GRIK2: variants seen among roughly 807,000 people sequenced by gnomAD.
GRIK2 encodes glutamate ionotropic receptor kainate type subunit 2, also known as glutamate receptor ionotropic, kainate 2.
In GRIK2, 32 loss-of-function variants were observed where a neutral mutation model predicts 100.3. The observed-to-expected ratio is 0.32, with a 90% confidence interval of 0.24 to 0.43. The LOEUF (loss-of-function observed/expected upper bound fraction) is 0.43. Among genes scored for constraint, GRIK2 ranks in the 20% least tolerant of loss-of-function variants. GRIK2 has a pLI of 1.00. For synonymous variants in GRIK2, 417 were observed against 389.4 expected (o/e 1.07, Z -0.83); for missense variants, 843 against 1,114.9 (o/e 0.76, Z 3.47).
At chr6:101,668,091 T>C (rs1242229922) in intron 4 of GRIK2, among the ~76,000 whole-genome samples, 2 of 152,204 alleles carry the variant, frequency 1.3e-5, no homozygotes, top group African/African-American at 4.8e-5. Context: ...TCTGTAAAAT[T>C]AGCATTCAGA....
rs113496208 is a variant in GRIK2, at chr6:102,007,235, A to G, written c.2086-28106A>G. The stretch of plus-strand genomic sequence containing the variant: ...TTGTAACTGTTTTGTGCAGAGTGAG[A>G]AGATAAGAAAATACATTTTGAGAAG... On this transcript the variant is annotated intron_variant, in intron 14 of 16. Coordinates refer to ENST00000369134, the MANE Select transcript of GRIK2 (RefSeq NM_021956.5). 2.1e-3 allele frequency among the ~76,000 whole-genome samples: 319 copies of G among 152,238 alleles called. 2 individuals are homozygous for G. The highest frequency in any genetic ancestry group is 7.5e-3 in the African/African-American group (312 of 41,538).
At chr6:101,986,499 C>A (rs2128490859) in intron 14 of GRIK2, among the ~76,000 whole-genome samples, 1 of 151,874 alleles carries the variant, frequency 6.6e-6, no homozygotes, top group South Asian at 2.1e-4. Flanking sequence ...TTTTTAATTG[C>A]ATTAGCTTTG....
At chr6:101,709,070 T>C (rs1773529795) in intron 7 of GRIK2, among the ~76,000 whole-genome samples, 1 of 151,812 alleles carries the variant, frequency 6.6e-6, no homozygotes, top group Non-Finnish European at 1.5e-5. Context: ...TAAAAATAAT[T>C]TTTAAAACAG....
At chr6:101,643,656 A>G (rs1184453775) in intron 4 of GRIK2, among the ~76,000 whole-genome samples, 1 of 151,322 alleles carries the variant, frequency 6.6e-6, no homozygotes, top group Non-Finnish European at 1.5e-5. Context: ...GAAATCAGGA[A>G]CTATGAGATC....
chr6:101,777,198 G>T (rs1248673483), intron 7 of GRIK2, among the ~76,000 whole-genome samples: 1 of 152,140 alleles, frequency 6.6e-6, no homozygotes, highest in African/African-American at 2.4e-5. Context: ...ATTGGCTCCC[G>T]ACTGGGTCTG....
At chr6:101,620,884 TAGAG>T (rs1562265553) in intron 2 of GRIK2, among the ~76,000 whole-genome samples, 1 of 151,896 alleles carries the variant, frequency 6.6e-6, no homozygotes. Context: ...GCAATGATAT[TAGAG>T]AGAAGGAAGG....
intron 2 of GRIK2, among the ~76,000 whole-genome samples, chr6:101,616,742 T>G (rs1779910953): frequency 6.6e-6 from 1 of 151,728 alleles, no homozygotes; most frequent in Admixed American, 6.6e-5. Flanking sequence ...AAAGTTTGTG[T>G]CGATTTATTT....
chr6:101,608,726 C>G (rs533477118), intron 2 of GRIK2, among the ~76,000 whole-genome samples: 26 of 151,640 alleles, frequency 1.7e-4, no homozygotes, highest in African/African-American at 6.0e-4. Flanking sequence ...ATATGCAGTT[C>G]ACTTCTCAGG....
chr6:101,507,999 T>C (rs1397342207), intron 2 of GRIK2, among the ~76,000 whole-genome samples: 2 of 152,136 alleles, frequency 1.3e-5, no homozygotes, highest in Non-Finnish European at 2.9e-5. Context: ...TCATTGTATA[T>C]GCTTTAAAAG....
chr6:101,608,394 T>G, intron 2 of GRIK2, among the ~76,000 whole-genome samples: 1 of 152,038 alleles, frequency 6.6e-6, no homozygotes, highest in South Asian at 2.1e-4. Flanking sequence ...TCAATTGTAT[T>G]TCATAATTAA....
chr6:101,829,940 T>C (rs1016580151), intron 10 of GRIK2, among the ~76,000 whole-genome samples: 11 of 151,876 alleles, frequency 7.2e-5, no homozygotes, highest in Non-Finnish European at 1.2e-4. Context: ...AAAATTCATA[T>C]TGAAACAAAA....
rs184258363 is a variant in GRIK2 at position 101,703,123 on chromosome 6, A to G, written c.951+16770A>G. Among the ~76,000 whole-genome samples the G allele has an allele frequency of 5.3e-3, 813 of 152,044 alleles. 13 individuals carry two copies. Among genetic ancestry groups the G allele is most frequent in the African/African-American group, 0.018 (765 of 41,562 alleles). ...ATTATTTTGGGAAGGAATAATTTTG[A>G]GATGGGTAATGTTTTACGAGTTTGA... On this transcript the variant is annotated intron_variant, in intron 7 of 16. Transcript: ENST00000369134.
intron 12 of GRIK2, among the ~76,000 whole-genome samples, chr6:101,900,321 G>A (rs1241877237): frequency 1.3e-5 from 2 of 151,866 alleles, no homozygotes; most frequent in African/African-American, 2.4e-5. Flanking sequence ...AAAATTAGCC[G>A]GGCGTGGTGG....
intron 2 of GRIK2, among the ~76,000 whole-genome samples, chr6:101,485,502 A>G (rs142045266): frequency 6.8e-4 from 103 of 152,242 alleles, no homozygotes; most frequent in African/African-American, 2.3e-3. Context: ...ATTTGTGACA[A>G]TTTTGGGGAA....
intron 2 of GRIK2, among the ~76,000 whole-genome samples, chr6:101,598,592 T>TAAA (rs75603851): frequency 3.3e-3 from 269 of 82,266 alleles, no homozygotes; most frequent in South Asian, 5.3e-3. Flanking sequence ...TCTTCCTTAA[T>TAAA]AAAAAAAAAA....
At chr6:101,465,101 T>A (rs1771572805) in intron 2 of GRIK2, among the ~76,000 whole-genome samples, 1 of 152,216 alleles carries the variant, frequency 6.6e-6, no homozygotes, top group Admixed American at 6.5e-5. Flanking sequence ...TTTTTTTGCC[T>A]GCTGACTCTT....
intron 14 of GRIK2, among the ~76,000 whole-genome samples, chr6:102,016,052 GAAAAAAA>G (rs1795818208): frequency 6.6e-6 from 1 of 152,026 alleles, no homozygotes; most frequent in African/African-American, 2.4e-5. Context: ...ACAAAGATGA[GAAAAAAA>G]CAGCACAAGA....
chr6:101,616,638 C>T (rs1213831980), intron 2 of GRIK2, among the ~76,000 whole-genome samples: 1 of 151,726 alleles, frequency 6.6e-6, no homozygotes, highest in Non-Finnish European at 1.5e-5. Context: ...AAATCAGTGA[C>T]ATTTTCCTTA....
chr6:101,436,611 T>C (rs1426380836), intron 2 of GRIK2, among the ~76,000 whole-genome samples: 4 of 152,022 alleles, frequency 2.6e-5, no homozygotes, highest in African/African-American at 9.7e-5. Flanking sequence ...GGATAGAGAA[T>C]ATATAATTTG....
Sources: allele counts gnomAD v4.1 joint callset (sites outside exome capture counted in the v4.1 genomes callset), GRCh38; gene constraint gnomAD v4.1.1; transcripts MANE v1.5; gene names NCBI Gene and HGNC (gene_info 2026-07-23, HGNC 2026-07-21).